Variants in RTN1 observed in about 807,000 individuals in gnomAD.
The protein encoded by RTN1 is reticulon 1, also known as reticulon-1.
In RTN1, 25 loss-of-function variants were observed where a neutral mutation model predicts 65.5. That is an observed-to-expected ratio of 0.38 (90% confidence interval 0.28 to 0.53). RTN1 has a LOEUF of 0.53. Among genes scored for constraint, RTN1 ranks in the 20% least tolerant of loss-of-function variants. RTN1 has a pLI of 0.79. For synonymous variants in RTN1, 471 were observed against 447.6 expected (o/e 1.05, Z -0.66); for missense variants, 983 against 1,025.4 (o/e 0.96, Z 0.57).
At chr14:59,749,370 C>CTATATATCTATATCTATATATATCTA (rs1566711662) in intron 1 of RTN1, among the ~76,000 whole-genome samples, 15 of 30,334 alleles carry the variant, frequency 4.9e-4, no homozygotes, top group East Asian at 4.5e-3. Flanking sequence ...ATATATATAT[C>CTATATATCTATATCTATATATATCTA]TATATATCTA....
intron 3 of RTN1, among the ~76,000 whole-genome samples, chr14:59,612,275 G>A (rs1282681426): frequency 1.3e-5 from 2 of 152,158 alleles, no homozygotes; most frequent in African/African-American, 4.8e-5. Flanking sequence ...TAAAGTGGCT[G>A]GAACCCCACT....
At chr14:59,650,718 C>G (rs1883002479) in intron 3 of RTN1, among the ~76,000 whole-genome samples, 1 of 152,130 alleles carries the variant, frequency 6.6e-6, no homozygotes, top group Non-Finnish European at 1.5e-5. Flanking sequence ...AAGATCTCTA[C>G]AATGAAAATT....
intron 1 of RTN1, among the ~76,000 whole-genome samples, chr14:59,864,880 G>C (rs1594772603): frequency 6.6e-6 from 1 of 150,636 alleles, no homozygotes; most frequent in Non-Finnish European, 1.5e-5. Flanking sequence ...TTATCTTGTT[G>C]CTTTTGAATA....
chr14:59,726,703 G>A (rs1884767928), intron 3 of RTN1, among the ~76,000 whole-genome samples: 1 of 152,202 alleles, frequency 6.6e-6, no homozygotes, highest in Non-Finnish European at 1.5e-5. Context: ...AGCCAGTCCT[G>A]AGTTGCCCTG....
Position 59,727,976 on chromosome 14 carries a change from TC to T in RTN1, c.1016-309del, listed in dbSNP as rs1235479093. Among the ~76,000 whole-genome samples, 1 of 152,212 alleles carries T rather than the reference TC, an allele frequency of 6.6e-6. No homozygotes were observed. The highest frequency in any genetic ancestry group is 1.9e-4 in the East Asian group (1 of 5,188). Reference sequence around the variant, plus strand: ...TTAGCAACAGAATCTCAGTTGGTGTTCCTGTTTCAATGCAGAGAAGATTCTA... The same window carrying T: ...TTAGCAACAGAATCTCAGTTGGTGTTCTGTTTCAATGCAGAGAAGATTCTA... On this transcript the variant is annotated intron_variant, in intron 2 of 8. Coordinates refer to ENST00000267484, the MANE Select transcript of RTN1 (RefSeq NM_021136.3). The surrounding 1 kb of genome is among the most constrained non-coding windows in gnomAD (Gnocchi z 4.2).
intron 1 of RTN1, among the ~76,000 whole-genome samples, chr14:59,808,004 T>C (rs1212624194): frequency 6.6e-6 from 1 of 152,230 alleles, no homozygotes; most frequent in Non-Finnish European, 1.5e-5. Context: ...TACAGGATGT[T>C]TGCAATTGTG....
chr14:59,607,893 T>A (rs1881814561), intron 3 of RTN1, among the ~76,000 whole-genome samples: 1 of 142,516 alleles, frequency 7.0e-6, no homozygotes, highest in Admixed American at 6.8e-5. Context: ...AGGGTTAGAC[T>A]CTGTCTTAAA....
In RTN1 at chr14:59,759,318, C is replaced by A. The variant is rs1167502297; in HGVS notation, c.242-12837G>T. 2.6e-5 allele frequency among the ~76,000 whole-genome samples: 4 copies of A among 152,228 alleles called. No individual in the cohort carries two copies. The East Asian group carries it at 7.7e-4, about 29-fold the overall frequency. ...AAATGTTGTAGTTAACAGCCTGGGT[C>A]CTGGGTTCAAATGCATGGCTTGGAA... On this transcript the variant is annotated intron_variant, in intron 1 of 8. Transcript: ENST00000267484.
chr14:59,649,966 C>T (rs1891886670), intron 3 of RTN1, among the ~76,000 whole-genome samples: 2 of 152,140 alleles, frequency 1.3e-5, no homozygotes, highest in South Asian at 4.1e-4. Flanking sequence ...TTTATTGCAG[C>T]ATTATTTATA....
At chr14:59,785,669 G>C (rs1317451245) in intron 1 of RTN1, among the ~76,000 whole-genome samples, 1 of 152,170 alleles carries the variant, frequency 6.6e-6, no homozygotes, top group Admixed American at 6.5e-5. Context: ...GCATTAAACA[G>C]ATTTTTAAAA....
chr14:59,705,761 T>C (rs951896858), intron 3 of RTN1, among the ~76,000 whole-genome samples: 2 of 152,232 alleles, frequency 1.3e-5, no homozygotes, highest in Non-Finnish European at 2.9e-5. Flanking sequence ...TTTGTTTGTA[T>C]ATATGTCCCT....
intron 1 of RTN1, among the ~76,000 whole-genome samples, chr14:59,771,812 T>A (rs1885964498): frequency 6.6e-6 from 1 of 152,248 alleles, no homozygotes; most frequent in Non-Finnish European, 1.5e-5. Flanking sequence ...ATGCTTCCTG[T>A]GGATATGAGA....
At chr14:59,722,795 A>AG (rs1884672836) in intron 3 of RTN1, among the ~76,000 whole-genome samples, 2 of 149,318 alleles carry the variant, frequency 1.3e-5, no homozygotes, top group Admixed American at 6.7e-5. Flanking sequence ...GGAACTTTTA[A>AG]CTTTTTTTTT....
chr14:59,641,422 T>A (rs1882778458), intron 3 of RTN1, among the ~76,000 whole-genome samples: 1 of 152,174 alleles, frequency 6.6e-6, no homozygotes, highest in Non-Finnish European at 1.5e-5. Flanking sequence ...CAGGCTGGAG[T>A]GCAGTGGTGC....
chr14:59,660,781 C>G (rs1046674319), intron 3 of RTN1, among the ~76,000 whole-genome samples: 6 of 152,048 alleles, frequency 3.9e-5, no homozygotes, highest in Middle Eastern at 3.4e-3. Flanking sequence ...AAAAAGAAAC[C>G]AGGAAAGACC....
At chr14:59,831,487 C>T (rs1004881045) in intron 1 of RTN1, among the ~76,000 whole-genome samples, 1 of 152,176 alleles carries the variant, frequency 6.6e-6, no homozygotes, top group Non-Finnish European at 1.5e-5. Flanking sequence ...ACTGGAACTA[C>T]ATCATCAGGT....
intron 1 of RTN1, among the ~76,000 whole-genome samples, chr14:59,777,959 C>G (rs1886085698): frequency 6.6e-6 from 1 of 152,040 alleles, no homozygotes; most frequent in Non-Finnish European, 1.5e-5. Flanking sequence ...CTTTTTGTAC[C>G]ACATTCACTC....
chr14:59,806,501 C>T (rs1222405993), intron 1 of RTN1, among the ~76,000 whole-genome samples: 1 of 151,962 alleles, frequency 6.6e-6, no homozygotes, highest in Non-Finnish European at 1.5e-5. Flanking sequence ...GGTACATATG[C>T]AGGTTTGTTA....
At chr14:59,671,930 T>A (rs750755953) in intron 3 of RTN1, among the ~76,000 whole-genome samples, 17 of 152,248 alleles carry the variant, frequency 1.1e-4, no homozygotes, top group Non-Finnish European at 2.4e-4. Flanking sequence ...GAAAGCCTGA[T>A]ATTATATTTC....
Sources: allele counts gnomAD v4.1 joint callset (sites outside exome capture counted in the v4.1 genomes callset), GRCh38; gene constraint gnomAD v4.1.1; non-coding constraint Gnocchi (gnomAD v3.1); transcripts MANE v1.5; gene names NCBI Gene and HGNC (gene_info 2026-07-23, HGNC 2026-07-21).